Variants in LRRC4C observed in about 807,000 individuals in gnomAD.
The protein encoded by LRRC4C is leucine-rich repeat-containing protein 4C.
In LRRC4C, 5 loss-of-function variants were observed where a neutral mutation model predicts 33.6. The observed-to-expected ratio is 0.15, with a 90% CI of 0.08 to 0.31. The LOEUF (loss-of-function observed/expected upper bound fraction) is 0.31. LRRC4C is among the 10% of genes least tolerant of loss of function. The probability of loss-of-function intolerance (pLI) is 1.00; values close to 1 mark genes in which losing one functional copy is unlikely to be tolerated. For missense variants in LRRC4C, 560 were observed against 796.7 expected (o/e 0.70, Z 3.58); for synonymous variants, 329 against 302.0 (o/e 1.09, Z -0.93).
intron 4 of LRRC4C, among the ~76,000 whole-genome samples, chr11:40,256,578 A>G (rs928414406): frequency 1.3e-5 from 2 of 152,192 alleles, no homozygotes; most frequent in Admixed American, 6.5e-5. Context: ...GAATGAACCA[A>G]TAAATAAATG....
chr11:41,072,286 G>A (rs1158871036), intron 1 of LRRC4C, among the ~76,000 whole-genome samples: 3 of 145,568 alleles, frequency 2.1e-5, no homozygotes, highest in African/African-American at 7.6e-5. Context: ...AAACATTGAA[G>A]ACCCTCCACT....
intron 5 of LRRC4C, among the ~76,000 whole-genome samples, chr11:40,203,166 T>C (rs539457608): frequency 4.8e-4 from 73 of 152,242 alleles, no homozygotes; most frequent in African/African-American, 1.6e-3. Flanking sequence ...GTATTTTTAT[T>C]TGTGGCTCCC....
At chr11:40,441,438 G>T (rs1245013871) in intron 3 of LRRC4C, among the ~76,000 whole-genome samples, 1 of 152,188 alleles carries the variant, frequency 6.6e-6, no homozygotes, top group East Asian at 1.9e-4. Flanking sequence ...AACTAAGTGT[G>T]CCTGAAGGTA....
chr11:40,688,435 A>G (rs566047472), intron 2 of LRRC4C, among the ~76,000 whole-genome samples: 15 of 152,152 alleles, frequency 9.9e-5, no homozygotes, highest in Non-Finnish European at 2.1e-4. Context: ...GCTTTTACTT[A>G]CTTAACCATT....
chr11:41,371,620 C>T (rs1014994905), intron 1 of LRRC4C, among the ~76,000 whole-genome samples: 1 of 152,236 alleles, frequency 6.6e-6, no homozygotes, highest in Non-Finnish European at 1.5e-5. Context: ...GGGATAGTTT[C>T]TGGCATTGTG....
chr11:41,296,645 C>T (rs988272984), intron 1 of LRRC4C, among the ~76,000 whole-genome samples: 4 of 152,024 alleles, frequency 2.6e-5, no homozygotes, highest in African/African-American at 7.2e-5. Flanking sequence ...CAAATAAGAA[C>T]GAGAGCAAAA....
At chr11:40,317,255 C>T (rs149752121) in intron 4 of LRRC4C, among the ~76,000 whole-genome samples, 181 of 151,742 alleles carry the variant, frequency 1.2e-3, no homozygotes, top group African/African-American at 4.2e-3. Context: ...TATTGTTTTG[C>T]AAAGTATTAT....
At position 40,580,086 on chromosome 11, in the gene LRRC4C, T is replaced by TGC. The variant is rs1555108806; in HGVS notation, c.-270+68054_-270+68055dup. ...GTGTGTGTGTGTGTGTGTGTGTGTG[T>TGC]GCCTTTCAAGATGAAAGGGAGTGAG... On this transcript the variant is annotated intron_variant, in intron 3 of 6. Transcript: ENST00000528697. 2.8e-3 allele frequency among the ~76,000 whole-genome samples: 419 copies of TGC among 151,836 alleles called. 2 individuals are homozygous for TGC. The highest frequency in any genetic ancestry group is 9.6e-3 in the African/African-American group (395 of 41,280).
At chr11:41,391,162 A>C (rs888966359) in intron 1 of LRRC4C, among the ~76,000 whole-genome samples, 40 of 151,824 alleles carry the variant, frequency 2.6e-4, no homozygotes, top group Non-Finnish European at 4.4e-5. Context: ...TTATATTATA[A>C]ATTTGGTTTA....
At position 41,073,390 on chromosome 11, in the gene LRRC4C, A is replaced by G. The variant is rs147245712; in HGVS notation, c.-495-139667T>C. ...ATAGAGCAAGAGCTCCTTTCCTCCCAGGGGGAGCATCTATTTATGGGAGAT... is the reference window on the plus strand; with the variant it reads ...ATAGAGCAAGAGCTCCTTTCCTCCCGGGGGGAGCATCTATTTATGGGAGAT... On this transcript the variant is annotated intron_variant, in intron 1 of 6. Transcript: ENST00000528697. Among the ~76,000 whole-genome samples the G allele has an allele frequency of 9.6e-3, 1,448 of 150,346 alleles. 24 individuals are homozygous for G. Among genetic ancestry groups the G allele is most frequent in the African/African-American group, 0.033 (1,337 of 40,724 alleles).
At chr11:40,132,692 T>G (rs555989671) in intron 6 of LRRC4C, among the ~76,000 whole-genome samples, 11 of 151,910 alleles carry the variant, frequency 7.2e-5, no homozygotes, top group Non-Finnish European at 1.5e-4. Context: ...ATAAAAGAAA[T>G]AAATAAAAAA....
At chr11:40,775,043 A>AT (rs1248300025) in intron 2 of LRRC4C, among the ~76,000 whole-genome samples, 13 of 151,992 alleles carry the variant, frequency 8.6e-5, no homozygotes, top group Non-Finnish European at 1.9e-4. Flanking sequence ...AAATAAATAA[A>AT]AAATCCAGTT....
intron 5 of LRRC4C, among the ~76,000 whole-genome samples, chr11:40,210,101 GATTT>G (rs1032464156): frequency 3.3e-5 from 5 of 151,798 alleles, no homozygotes; most frequent in African/African-American, 1.2e-4. Flanking sequence ...TGGTTTTCAA[GATTT>G]ATTTGTGTAT....
intron 3 of LRRC4C, among the ~76,000 whole-genome samples, chr11:40,529,036 A>C (rs1956170710): frequency 6.6e-6 from 1 of 152,156 alleles, no homozygotes; most frequent in Admixed American, 6.6e-5. Flanking sequence ...TCAGTTACAT[A>C]AAATAAATAT....
At chr11:40,139,051 C>T (rs1052157861) in intron 6 of LRRC4C, among the ~76,000 whole-genome samples, 2 of 152,158 alleles carry the variant, frequency 1.3e-5, no homozygotes, top group Non-Finnish European at 2.9e-5. Flanking sequence ...AGTATTATTG[C>T]ATTTGTTAAA....
chr11:41,000,216 C>A (rs912507393), intron 1 of LRRC4C, among the ~76,000 whole-genome samples: 3 of 152,024 alleles, frequency 2.0e-5, no homozygotes, highest in African/African-American at 7.2e-5. Flanking sequence ...GGCTTGAGTT[C>A]CAGGAATATA....
chr11:40,771,007 G>A (rs1279948695), intron 2 of LRRC4C, among the ~76,000 whole-genome samples: 2 of 152,172 alleles, frequency 1.3e-5, no homozygotes, highest in East Asian at 3.9e-4. Context: ...CTGGAGAATG[G>A]TAGCTTTCTT....
chr11:40,366,216 CAT>C (rs1446387006), intron 3 of LRRC4C, among the ~76,000 whole-genome samples: 1 of 152,056 alleles, frequency 6.6e-6, no homozygotes, highest in Non-Finnish European at 1.5e-5. Context: ...ACCAGTATAA[CAT>C]ATGCTTTCTA....
At chr11:41,341,628 G>A (rs978709812) in intron 1 of LRRC4C, among the ~76,000 whole-genome samples, 4 of 152,082 alleles carry the variant, frequency 2.6e-5, no homozygotes, top group African/African-American at 9.7e-5. Flanking sequence ...AAGCTCACAG[G>A]CAGAATCAAC....
Sources: gnomAD v4.1 joint callset for allele counts (sites outside exome capture counted in the v4.1 genomes callset) on GRCh38, gnomAD v4.1.1 for gene constraint, MANE v1.5 for transcripts, NCBI Gene and HGNC (gene_info 2026-07-23, HGNC 2026-07-21) for gene names.